The following IL34 variants were observed in gnomAD, a reference collection of about 807,000 sequenced individuals.
The protein encoded by IL34 is interleukin-34.
Under a neutral mutation model 25.3 loss-of-function variants are expected in IL34, and 17 were observed. The observed-to-expected ratio is 0.67, with a 90% confidence interval of 0.46 to 1.01. The LOEUF is 1.01. IL34 is among the 50% of genes least tolerant of loss of function. The pLI is 0.00. For synonymous variants in IL34, 174 were observed against 140.9 expected (o/e 1.23, Z -1.66); for missense variants, 368 against 312.9 (o/e 1.18, Z -1.33).
In IL34 at chr16:70,646,726, A is replaced by T. The variant is rs2051940833; in HGVS notation, c.-222A>T. On this transcript the variant is annotated 5_prime_UTR_variant, in exon 1 of 6. Transcript: ENST00000288098. ...CTGGGCTGCCATGGGACTTGCGGCC[A>T]CCGCCCCCCGGCTGTCCTCCACGCT... The T allele has an allele frequency of 4.1e-6, 2 of 484,674 alleles. No homozygotes were observed. Among genetic ancestry groups the T allele is most frequent in the Non-Finnish European group, 7.2e-6 (2 of 279,228 alleles). The allele number at this position is 484,674 out of a possible 1,614,324, so 30.0% of individuals were successfully genotyped here.
At chr16:70,594,981 G>C (rs1041478469) in intron 1 of IL34, among the ~76,000 whole-genome samples, 1 of 146,482 alleles carries the variant, frequency 6.8e-6, no homozygotes, top group African/African-American at 2.5e-5. Context: ...CTGAGACAGA[G>C]TCTCCCTCTG....
At chr16:70,653,744 G>A (rs937595240) in intron 1 of IL34, among the ~76,000 whole-genome samples, 2 of 152,158 alleles carry the variant, frequency 1.3e-5, no homozygotes, top group African/African-American at 4.8e-5. Context: ...TCTAGTTAGT[G>A]AGTCTGATAT....
chr16:70,602,344 A>G (rs990489533), intron 1 of IL34, among the ~76,000 whole-genome samples: 1 of 152,164 alleles, frequency 6.6e-6, no homozygotes, highest in Non-Finnish European at 1.5e-5. Context: ...AAAGTTGCCA[A>G]ACTTTCTGAG....
chr16:70,650,465 C>T (rs1467367857), intron 1 of IL34, among the ~76,000 whole-genome samples: 2 of 152,136 alleles, frequency 1.3e-5, no homozygotes, highest in Non-Finnish European at 2.9e-5. Context: ...CTTGAGGCCA[C>T]AGCTGCCGGG....
chr16:70,610,367 T>C (rs1435777273), intron 1 of IL34, among the ~76,000 whole-genome samples: 13 of 152,066 alleles, frequency 8.5e-5, no homozygotes, highest in Admixed American at 7.9e-4. Context: ...GAGTGCCGAG[T>C]GTTCAGTTGA....
chr16:70,628,677 G>T (rs957135052), intron 1 of IL34, among the ~76,000 whole-genome samples: 2 of 151,616 alleles, frequency 1.3e-5, no homozygotes, highest in African/African-American at 4.8e-5. Flanking sequence ...AGTAGAGATG[G>T]GGTCTCACCA....
chr16:70,654,353 G>A (rs1258157978), intron 1 of IL34, 185 bp from the exon 2 acceptor site: 1 of 686,800 alleles, frequency 1.5e-6, no homozygotes, highest in Non-Finnish European at 2.3e-6. Context: ...GTGCCTGCCT[G>A]ACCTTGCTGT....
intron 1 of IL34, among the ~76,000 whole-genome samples, chr16:70,639,379 G>A (rs1426718598): frequency 3.3e-5 from 5 of 152,190 alleles, no homozygotes; most frequent in Non-Finnish European, 5.9e-5. Context: ...GCACAATATT[G>A]CGTTTATATC....
At chr16:70,620,470 C>G (rs190853069) in intron 1 of IL34, among the ~76,000 whole-genome samples, 1,880 of 151,482 alleles carry the variant, frequency 0.012, 31 homozygotes, top group African/African-American at 0.034. Flanking sequence ...GGTGGAGGAG[C>G]GGAGGCTGAG....
chr16:70,600,297 C>T (rs1169776903), intron 1 of IL34, among the ~76,000 whole-genome samples: 2 of 152,220 alleles, frequency 1.3e-5, no homozygotes, highest in Non-Finnish European at 2.9e-5. Context: ...TCACCTCTTT[C>T]ATTTATTGTC....
At chr16:70,654,463 C>A in intron 1 of IL34, 75 bp from the exon 2 acceptor site, 6 of 1,516,460 alleles carry the variant, frequency 4.0e-6, no homozygotes, top group Non-Finnish European at 5.3e-6. Flanking sequence ...GATGGTTGTG[C>A]TCGGCTTTGC....
chr16:70,619,527 G>C (rs1440252148), intron 1 of IL34, among the ~76,000 whole-genome samples: 2 of 151,406 alleles, frequency 1.3e-5, no homozygotes, highest in African/African-American at 4.9e-5. Context: ...GTTTTAAGAG[G>C]TTTAGAAGCC....
intron 1 of IL34, among the ~76,000 whole-genome samples, chr16:70,636,163 T>A (rs2051638676): frequency 6.6e-6 from 1 of 151,914 alleles, no homozygotes; most frequent in Admixed American, 6.6e-5. Flanking sequence ...CTCAGCCTCC[T>A]GAGTAGCTGG....
intron 1 of IL34, among the ~76,000 whole-genome samples, chr16:70,635,815 A>G (rs968985202): frequency 4.6e-5 from 7 of 152,162 alleles, no homozygotes; most frequent in Admixed American, 2.0e-4. Context: ...AACAATAGCA[A>G]ATACCAAGAT....
intron 1 of IL34, among the ~76,000 whole-genome samples, chr16:70,631,295 C>T (rs1056044411): frequency 2.0e-5 from 3 of 152,134 alleles, no homozygotes; most frequent in Non-Finnish European, 2.9e-5. Context: ...ACCCATAGGC[C>T]TAAGTCTCCT....
rs1396605142 is a variant in IL34 at position 70,580,050 on chromosome 16, G to GT, written c.-401+2dup. 1.3e-5 allele frequency: 2 copies of GT among 152,308 alleles called. No homozygotes were observed. Among genetic ancestry groups the GT allele is most frequent in the Non-Finnish European group, 2.9e-5 (2 of 68,114 alleles). The allele number at this position is 152,308 out of a possible 1,614,324, so 9.4% of individuals were successfully genotyped here. A position where few individuals can be genotyped will look rare whatever the true frequency, so the allele number is the denominator to read the frequency against. On this transcript the variant is annotated splice_donor_variant, in intron 1 of 6. Coordinates refer to the IL34 transcript ENST00000429149. LOFTEE classifies it low-confidence loss of function (5UTR_SPLICE). ...AGACCGAGTCTTGGCACGTGAACAG[G>GT]TAAGAAGGCAGCAGGCTTTCTCTCC...
intron 1 of IL34, among the ~76,000 whole-genome samples, chr16:70,586,833 C>T (rs966759592): frequency 2.0e-5 from 3 of 152,344 alleles, no homozygotes; most frequent in Middle Eastern, 3.4e-3. Context: ...CCCACGGTCA[C>T]GCAGGCGGGA....
chr16:70,599,508 C>G (rs954049895), intron 1 of IL34, among the ~76,000 whole-genome samples: 5 of 151,124 alleles, frequency 3.3e-5, no homozygotes, highest in Non-Finnish European at 5.9e-5. Context: ...AGGCGTGTGC[C>G]AACACGCCCA....
intron 2 of IL34, among the ~76,000 whole-genome samples, chr16:70,656,071 T>C (rs556462395): frequency 6.6e-6 from 1 of 152,344 alleles, no homozygotes; most frequent in Admixed American, 6.5e-5. Context: ...GTCCTCACTC[T>C]TGAGCCTGAA....
Sources: allele counts gnomAD v4.1 joint callset (sites outside exome capture counted in the v4.1 genomes callset), GRCh38; gene constraint gnomAD v4.1.1; transcripts MANE v1.5; gene names NCBI Gene and HGNC (gene_info 2026-07-23, HGNC 2026-07-21).